Variants in SDC2 observed in about 807,000 individuals in gnomAD.
SDC2 encodes the protein syndecan-2.
In SDC2, 13 loss-of-function variants were observed where a neutral mutation model predicts 22.2. The observed-to-expected ratio is 0.59, with a 90% CI of 0.38 to 0.93. The LOEUF (loss-of-function observed/expected upper bound fraction) is 0.93, where lower values mean the gene tolerates loss of function less well. SDC2 is among the 40% of genes least tolerant of loss of function. SDC2 has a pLI of 0.00. For missense variants in SDC2, 235 were observed against 246.8 expected, an observed-to-expected ratio of 0.95 and a Z score of 0.32; for synonymous variants, 94 against 92.8, an observed-to-expected ratio of 1.01 and a Z score of -0.07.
At chr8:96,539,482 A>T (rs560316718) in intron 1 of SDC2, among the ~76,000 whole-genome samples, 1 of 152,332 alleles carries the variant, frequency 6.6e-6, no homozygotes, top group East Asian at 1.9e-4. Flanking sequence ...TTATTAAATT[A>T]TATTAAAGGA....
chr8:96,526,238 G>A (rs1813576191), intron 1 of SDC2, among the ~76,000 whole-genome samples: 1 of 151,790 alleles, frequency 6.6e-6, no homozygotes, highest in Non-Finnish European at 1.5e-5. Context: ...CTGATTTTTT[G>A]TGATTCTGAA....
At chr8:96,582,808 G>C (rs952350164) in intron 1 of SDC2, among the ~76,000 whole-genome samples, 2 of 152,302 alleles carry the variant, frequency 1.3e-5, no homozygotes, top group Middle Eastern at 3.4e-3. Flanking sequence ...TTGGGGCTAA[G>C]CTGGAAGGGA....
chr8:96,516,674 T>C (rs1813407258), intron 1 of SDC2, among the ~76,000 whole-genome samples: 1 of 152,242 alleles, frequency 6.6e-6, no homozygotes, highest in South Asian at 2.1e-4. Flanking sequence ...GTAAGTGGAA[T>C]CATGTAATAT....
At chr8:96,547,109 A>G (rs930366915) in intron 1 of SDC2, among the ~76,000 whole-genome samples, 2 of 152,206 alleles carry the variant, frequency 1.3e-5, no homozygotes, top group African/African-American at 4.8e-5. Context: ...TAAATGGCCT[A>G]TTGATTTGCA....
chr8:96,595,241 C>A (rs746705496), intron 2 of SDC2, among the ~76,000 whole-genome samples: 1 of 152,098 alleles, frequency 6.6e-6, no homozygotes, highest in African/African-American at 2.4e-5. Context: ...TTCAGAATGA[C>A]CCAGAACAGA....
chr8:96,590,467 C>T (rs1053835691), intron 1 of SDC2, among the ~76,000 whole-genome samples: 8 of 152,124 alleles, frequency 5.3e-5, no homozygotes, highest in African/African-American at 1.7e-4. Context: ...TCGGTAGTTT[C>T]GAATTCACCC....
At chr8:96,587,047 C>G (rs1003101182) in intron 1 of SDC2, among the ~76,000 whole-genome samples, 7 of 152,110 alleles carry the variant, frequency 4.6e-5, no homozygotes, top group Non-Finnish European at 8.8e-5. Context: ...CTCGGCCTCC[C>G]AAGTAGCTGG....
intron 1 of SDC2, among the ~76,000 whole-genome samples, chr8:96,562,913 A>T (rs1814233913): frequency 6.6e-6 from 1 of 152,110 alleles, no homozygotes; most frequent in Non-Finnish European, 1.5e-5. Flanking sequence ...TGTTTGCAGT[A>T]GAGCTCCACT....
intron 3 of SDC2, among the ~76,000 whole-genome samples, chr8:96,603,753 A>G (rs1316418133): frequency 3.3e-5 from 5 of 152,286 alleles, no homozygotes; most frequent in South Asian, 2.1e-4. Flanking sequence ...TGGAACAGCC[A>G]GGAAGCCAGC....
intron 3 of SDC2, among the ~76,000 whole-genome samples, chr8:96,608,078 T>C (rs763704628): frequency 2.0e-5 from 3 of 152,274 alleles, no homozygotes; most frequent in Admixed American, 2.0e-4. Context: ...AACCTCACCA[T>C]GTCCTTAGGA....
chr8:96,530,059 G>A (rs985894967), intron 1 of SDC2, among the ~76,000 whole-genome samples: 1 of 152,078 alleles, frequency 6.6e-6, no homozygotes, highest in Non-Finnish European at 1.5e-5. Flanking sequence ...CTGCCCTTTG[G>A]TTTTGCTTTA....
chr8:96,608,199 A>G, intron 3 of SDC2, 136 bp from the exon 4 acceptor site: 2 of 751,810 alleles, frequency 2.7e-6, no homozygotes, highest in South Asian at 3.9e-5. Flanking sequence ...TAAACATCAC[A>G]CAAGTGATTA....
At chr8:96,601,881 C>T (rs1814993929) in intron 2 of SDC2, among the ~76,000 whole-genome samples, 1 of 151,688 alleles carries the variant, frequency 6.6e-6, no homozygotes, top group Admixed American at 6.6e-5. Context: ...GCCTCAGCCT[C>T]CCGAGTAGCT....
At chr8:96,585,778 C>G (rs2130616951) in intron 1 of SDC2, among the ~76,000 whole-genome samples, 1 of 152,066 alleles carries the variant, frequency 6.6e-6, no homozygotes, top group Admixed American at 6.5e-5. Flanking sequence ...AGCAAGGACC[C>G]TTTCTGAAAA....
In SDC2 at chr8:96,506,492, T is replaced by A. The variant is rs116702032; in HGVS notation, c.60+12161T>A. On this transcript the variant is annotated intron_variant, in intron 1 of 4. Coordinates refer to ENST00000302190, the MANE Select transcript of SDC2 (RefSeq NM_002998.4). ...CATATATGTATCCGGTGAAAACTTA[T>A]AAGAGACGGAGTCTCATTCTGTTGC... Among the ~76,000 whole-genome samples, 506 of 152,204 alleles carry A rather than the reference T, an allele frequency of 3.3e-3. 2 individuals are homozygous for A. Among genetic ancestry groups the A allele is most frequent in the Non-Finnish European group, 2.6e-3 (176 of 68,018 alleles).
chr8:96,539,514 T>C (rs995786243), intron 1 of SDC2, among the ~76,000 whole-genome samples: 1 of 152,234 alleles, frequency 6.6e-6, no homozygotes, highest in Non-Finnish European at 1.5e-5. Context: ...CATCTTGCAT[T>C]ATTGCTAATA....
intron 1 of SDC2, among the ~76,000 whole-genome samples, chr8:96,536,633 G>T (rs2130500521): frequency 6.6e-6 from 1 of 152,310 alleles, no homozygotes; most frequent in African/African-American, 2.4e-5. Flanking sequence ...CTTTTAGGTG[G>T]ATTGTCATCA....
At chr8:96,508,303 A>AATG (rs1449977692) in intron 1 of SDC2, among the ~76,000 whole-genome samples, 2 of 28,278 alleles carry the variant, frequency 7.1e-5, no homozygotes, top group Non-Finnish European at 1.4e-4. Context: ...CTCAAATAAT[A>AATG]ATAATAATAA....
intron 1 of SDC2, among the ~76,000 whole-genome samples, chr8:96,509,729 T>G (rs565882874): frequency 1.1e-3 from 175 of 152,294 alleles, no homozygotes; most frequent in Non-Finnish European, 2.1e-3. Flanking sequence ...GTCTCCAGTT[T>G]AGAGAGCAGC....
Sources: gnomAD v4.1 joint callset for allele counts (sites outside exome capture counted in the v4.1 genomes callset) on GRCh38, gnomAD v4.1.1 for gene constraint, MANE v1.5 for transcripts, NCBI Gene and HGNC (gene_info 2026-07-23, HGNC 2026-07-21) for gene names.